HUWE1: variants seen among roughly 807,000 people sequenced by gnomAD.
The protein encoded by HUWE1 is HECT, UBA and WWE domain containing E3 ubiquitin protein ligase 1, also known as E3 ubiquitin-protein ligase HUWE1.
HUWE1 carries 18 observed loss-of-function variants against 299.4 expected under a neutral mutation model. The ratio of observed to expected loss-of-function variants is 0.06; its 90% CI spans 0.04 to 0.09. The LOEUF is 0.09. HUWE1 is among the 10% of genes least tolerant of loss of function. The pLI is 1.00. For missense variants in HUWE1, 1,832 were observed against 3,462.3 expected (o/e 0.53, Z 11.82); for synonymous variants, 1,317 against 1,286.1 (o/e 1.02, Z -0.51).
chrX:53,569,873 C>CTTG (rs782131414), intron 47 of HUWE1, 46 bp from the exon 48 acceptor site: 6 of 1,072,879 alleles, frequency 5.6e-6, no homozygotes, highest in Non-Finnish European at 7.8e-6. Context: ...CACAATTATG[C>CTTG]CATATCATTT....
chrX:53,627,374 A>C (rs781894829), intron 17 of HUWE1, 36 bp downstream of exon 17: 1 of 878,354 alleles, frequency 1.1e-6, no homozygotes, highest in Non-Finnish European at 1.7e-6. Context: ...AAAAAATCTC[A>C]AGCACAAAAA....
chrX:53,537,529 AT>A, intron 78 of HUWE1, 26 bp downstream of exon 78: 1 of 1,207,386 alleles, frequency 8.3e-7, no homozygotes, highest in Non-Finnish European at 1.1e-6. Flanking sequence ...CCCACCCGCC[AT>A]CTTTTCTCCG....
chrX:53,594,426 A>C, intron 31 of HUWE1, 73 bp downstream of exon 31: 19 of 1,081,565 alleles, frequency 1.8e-5, no homozygotes, highest in Non-Finnish European at 2.4e-5. Context: ...ACTTAAAAGC[A>C]GTGGGCTGGG....
At chrX:53,623,458 G>A (rs1557014112) in intron 19 of HUWE1, among the ~76,000 whole-genome samples, 1 of 112,056 alleles carries the variant, frequency 8.9e-6, no homozygotes, top group Non-Finnish European at 1.9e-5. Context: ...TGGTAGAGTT[G>A]CTACACCACA....
intron 4 of HUWE1, among the ~76,000 whole-genome samples, 160 bp from the exon 5 acceptor site, chrX:53,648,470 A>G (rs781954710): frequency 9.1e-6 from 1 of 109,837 alleles, no homozygotes; most frequent in East Asian, 2.8e-4. Context: ...TTGGGATTAA[A>G]ATGGAAACCT....
intron 61 of HUWE1, among the ~76,000 whole-genome samples, chrX:53,553,613 A>C (rs139313918): frequency 0.015 from 1,618 of 106,663 alleles, 38 homozygotes; most frequent in African/African-American, 0.053. Context: ...AGTTCCAGAT[A>C]AGCCTGGCCA....
chrX:53,557,574 G>A lies in HUWE1; in HGVS notation c.8161-147C>T, dbSNP rs1417855201. On this transcript the variant is annotated intron_variant, in intron 59 of 83. Transcript: ENST00000262854. ...TTTGGCCATGTGACCAAAGGAAGGT[G>A]ATCATTTCACTGTGCAAATATATGA... 3.5e-5 allele frequency: 18 copies of A among 516,317 alleles called. No homozygotes were observed. In the East Asian group the frequency reaches 6.4e-4, roughly 18 times the overall value. The allele number at this position is 516,317 out of a possible 1,213,427, so 42.6% of individuals were successfully genotyped here.
At chrX:53,536,912 G>T (rs1189918505) in intron 78 of HUWE1, among the ~76,000 whole-genome samples, 1 of 112,233 alleles carries the variant, frequency 8.9e-6, no homozygotes, top group Non-Finnish European at 1.9e-5. Flanking sequence ...ACACCAATAG[G>T]AAAGGTATCA....
intron 7 of HUWE1, among the ~76,000 whole-genome samples, chrX:53,636,221 G>A (rs2067200011): frequency 8.9e-6 from 1 of 112,555 alleles, no homozygotes; most frequent in Non-Finnish European, 1.9e-5. Context: ...AAAACAGACT[G>A]TTCTACTAGG....
At chrX:53,601,020 ATT>A (rs1242561823) in intron 28 of HUWE1, among the ~76,000 whole-genome samples, 1 of 111,760 alleles carries the variant, frequency 8.9e-6, no homozygotes, top group Non-Finnish European at 1.9e-5. Context: ...TGAAATTCTC[ATT>A]TTGTCAGGTT....
At chrX:53,658,986 T>C (rs1243155886) in intron 3 of HUWE1, among the ~76,000 whole-genome samples, 4 of 112,767 alleles carry the variant, frequency 3.5e-5, no homozygotes, top group Non-Finnish European at 7.5e-5. Flanking sequence ...TACGGCATCA[T>C]GGAAATGCAA....
At chrX:53,599,591 T>C (rs1449740552) in intron 29 of HUWE1, among the ~76,000 whole-genome samples, 3 of 112,458 alleles carry the variant, frequency 2.7e-5, no homozygotes, top group African/African-American at 9.7e-5. Flanking sequence ...AAAGTGACTT[T>C]AATATAAAAC....
intron 36 of HUWE1, 124 bp downstream of exon 36, chrX:53,589,422 TC>T: frequency 1.5e-6 from 1 of 656,628 alleles, no homozygotes; most frequent in Non-Finnish European, 2.5e-6. Flanking sequence ...ATCGAAAGAA[TC>T]CAAATAGAGA....
chrX:53,582,248 A>G (rs2063657007), intron 42 of HUWE1, among the ~76,000 whole-genome samples: 1 of 112,694 alleles, frequency 8.9e-6, no homozygotes, highest in Non-Finnish European at 1.9e-5. Context: ...ATTTCTTTAT[A>G]GAAAGCGTTT....
chrX:53,546,931 G>C, intron 68 of HUWE1, 106 bp from the exon 69 acceptor site: 1 of 996,742 alleles, frequency 1.0e-6, no homozygotes, highest in Non-Finnish European at 1.4e-6. Context: ...TTCAAAATGG[G>C]AAAGTACTGA....
intron 4 of HUWE1, among the ~76,000 whole-genome samples, chrX:53,653,470 C>T (rs1394792611): frequency 9.0e-6 from 1 of 111,347 alleles, no homozygotes; most frequent in East Asian, 2.8e-4. Context: ...AGGACTATCA[C>T]AATGCAATAC....
In HUWE1 at chrX:53,552,871, A is replaced by G; in HGVS notation, c.8517T>C (p.Ala2839=). 8.3e-7 allele frequency: 1 copy of G among 1,211,694 alleles called. No homozygotes were observed. Residue 2839 remains alanine (A), a synonymous_variant, in exon 62 of 84, where the codon GCT becomes GCC. Coordinates refer to ENST00000262854, the MANE Select transcript of HUWE1 (RefSeq NM_031407.7). ...CAGCCGTCAGTGCATCAGAATCCTCAGCTCTCTCTGGGGAAAGTGAGGCTA... is the reference window on the plus strand; with the variant it reads ...CAGCCGTCAGTGCATCAGAATCCTCGGCTCTCTCTGGGGAAAGTGAGGCTA... The part of the protein sequence containing the change: ...PTITSLSPER[A]EDSDALTAVS...
At chrX:53,631,718 A>G in intron 9 of HUWE1, 104 bp from the exon 10 acceptor site, 1 of 575,343 alleles carries the variant, frequency 1.7e-6, no homozygotes, top group Non-Finnish European at 3.0e-6. Context: ...ATGTCACCTA[A>G]TAGGCTGAAG....
In HUWE1 at chrX:53,538,724, A is replaced by ACTCT. The variant is rs782578229; in HGVS notation, c.11878+107_11878+110dup. 6,765 of 415,849 alleles carry ACTCT rather than the reference A, an allele frequency of 0.016. 85 individuals carry two copies. Among genetic ancestry groups the ACTCT allele is most frequent in the African/African-American group, 0.053 (1,687 of 31,738 alleles). The allele number at this position is 415,849 out of a possible 1,213,427, so 34.3% of individuals were successfully genotyped here. Reference sequence around the variant, plus strand: ...CACACACACACACACACACACACACACTCTCTCTCTCTCTCTCTCTCTCTC... The same window carrying ACTCT: ...CACACACACACACACACACACACACACTCTCTCTCTCTCTCTCTCTCTCTCTCTC... On this transcript the variant is annotated intron_variant, in intron 76 of 83. Transcript: ENST00000262854.
Sources: allele counts gnomAD v4.1 joint callset (sites outside exome capture counted in the v4.1 genomes callset), GRCh38; gene constraint gnomAD v4.1.1; transcripts MANE v1.5; gene names NCBI Gene and HGNC (gene_info 2026-07-23, HGNC 2026-07-21).